The following ANO10 variants were observed in gnomAD, a reference collection of about 807,000 sequenced individuals.
ANO10 encodes the protein anoctamin-10.
ANO10 carries 77 observed loss-of-function variants against 74.7 expected under a neutral mutation model. The observed-to-expected ratio is 1.03, with a 90% confidence interval of 0.86 to 1.25. The LOEUF (loss-of-function observed/expected upper bound fraction) is 1.25, where lower values mean the gene tolerates loss of function less well. Among genes scored for constraint, ANO10 ranks in the 50% most tolerant of loss-of-function variants. The probability of loss-of-function intolerance (pLI) is 0.00; values close to 1 mark genes in which losing one functional copy is unlikely to be tolerated. For missense variants in ANO10, 721 were observed against 778.1 expected (o/e 0.93, Z 0.87); for synonymous variants, 279 against 284.9 (o/e 0.98, Z 0.21).
Position 43,659,656 on chromosome 3 carries a change from G to C in ANO10, c.-12+31861C>G, listed in dbSNP as rs188771476. ...CCACCTATGGGGGCAGGGCATATCT[G>C]AACAAAAGGCAGCAAACAGCTTCTC... On this transcript the variant is annotated intron_variant, in intron 1 of 3. Transcript: ENST00000413397. Among the ~76,000 whole-genome samples, 4 of 152,322 alleles carry C rather than the reference G, an allele frequency of 2.6e-5. No homozygotes were observed. In the East Asian group the frequency reaches 7.7e-4, roughly 29 times the overall value.
At chr3:43,486,940 T>C (rs1559602280) in intron 11 of ANO10, among the ~76,000 whole-genome samples, 1 of 129,200 alleles carries the variant, frequency 7.7e-6, no homozygotes, top group African/African-American at 3.1e-5. Context: ...GGCTGTGGGT[T>C]TGTCATAGAT....
rs926175791 is a variant in ANO10 at position 43,372,932 on chromosome 3, C to A, written c.1915-5958G>T. ...ACTTGTGAAGCCTCTTTTTTTCATG[C>A]GTATGAAAGAGAAAAGCCTCTTTTC... On this transcript the variant is annotated intron_variant, in intron 12 of 12. Transcript: ENST00000292246. The A allele has an allele frequency of 3.8e-6, 5 of 1,317,922 alleles. No homozygotes were observed. In the South Asian group the frequency reaches 6.6e-5, roughly 18 times the overall value. 81.6% of individuals were successfully genotyped at this position (1,317,922 alleles called of 1,614,324 possible).
At chr3:43,450,865 A>G (rs907996249) in intron 11 of ANO10, among the ~76,000 whole-genome samples, 1 of 152,228 alleles carries the variant, frequency 6.6e-6, no homozygotes, top group Non-Finnish European at 1.5e-5. Flanking sequence ...TTTTGGTCAT[A>G]AGTTCCTTAA....
intron 1 of ANO10, among the ~76,000 whole-genome samples, chr3:43,639,314 T>TCAGCC (rs2083647263): frequency 6.6e-6 from 1 of 152,170 alleles, no homozygotes; most frequent in Non-Finnish European, 1.5e-5. Context: ...AGCCCAGAGA[T>TCAGCC]CAGATGACTC....
At chr3:43,492,756 A>C (rs2076771420) in intron 11 of ANO10, among the ~76,000 whole-genome samples, 1 of 152,228 alleles carries the variant, frequency 6.6e-6, no homozygotes, top group Admixed American at 6.5e-5. Context: ...CATGCCAGTT[A>C]GAATGGTGGT....
chr3:43,437,617 G>A (rs188644154), intron 11 of ANO10, among the ~76,000 whole-genome samples: 10 of 152,212 alleles, frequency 6.6e-5, no homozygotes, highest in Admixed American at 5.9e-4. Context: ...CTTGCAGTAC[G>A]GCAGACAGAT....
intron 11 of ANO10, among the ~76,000 whole-genome samples, chr3:43,477,148 TAGAGA>T (rs1035487111): frequency 6.6e-6 from 1 of 152,204 alleles, no homozygotes; most frequent in African/African-American, 2.4e-5. Flanking sequence ...GGTTTACAAA[TAGAGA>T]AATCTTTCAT....
At chr3:43,592,517 C>G (rs540087676) in intron 4 of ANO10, among the ~76,000 whole-genome samples, 43 of 152,362 alleles carry the variant, frequency 2.8e-4, no homozygotes, top group African/African-American at 1.0e-3. Context: ...CAAACTCCAG[C>G]AGACCTGCAG....
At chr3:43,551,643 A>C in intron 10 of ANO10, 1 of 445,396 alleles carries the variant, frequency 2.2e-6, no homozygotes, top group South Asian at 1.6e-5. Context: ...ATATACATTT[A>C]AGATTGCTAT....
intron 1 of ANO10, among the ~76,000 whole-genome samples, chr3:43,682,411 T>G (rs566821866): frequency 4.0e-4 from 61 of 152,144 alleles, no homozygotes; most frequent in Non-Finnish European, 1.9e-4. Context: ...AGACCAATAA[T>G]AGGCTCTGAA....
intron 4 of ANO10, among the ~76,000 whole-genome samples, chr3:43,583,658 G>A (rs1466955052): frequency 2.6e-5 from 4 of 152,158 alleles, no homozygotes; most frequent in East Asian, 1.9e-4. Flanking sequence ...TGCTACCTCC[G>A]ATCCAGCAGG....
chr3:43,628,735 C>G (rs2083516433), intron 1 of ANO10, among the ~76,000 whole-genome samples: 1 of 152,142 alleles, frequency 6.6e-6, no homozygotes. Flanking sequence ...TGGCCGTCTT[C>G]TATGGTCAAG....
intron 11 of ANO10, among the ~76,000 whole-genome samples, chr3:43,476,903 G>C (rs1249282276): frequency 6.6e-6 from 1 of 152,152 alleles, no homozygotes; most frequent in Non-Finnish European, 1.5e-5. Flanking sequence ...CGATCAATAA[G>C]TAATTTCCCT....
At chr3:43,367,678 G>A (rs1414994310) in intron 12 of ANO10, among the ~76,000 whole-genome samples, 1 of 152,106 alleles carries the variant, frequency 6.6e-6, no homozygotes, top group Non-Finnish European at 1.5e-5. Flanking sequence ...AGGCAGCGGC[G>A]TAGGGGACAG....
intron 11 of ANO10, chr3:43,485,129 TG>T: frequency 1.2e-6 from 1 of 849,816 alleles, no homozygotes; most frequent in Non-Finnish European, 1.9e-6. Context: ...CTTCATCTGG[TG>T]GAGTGATCTG....
chr3:43,563,193 A>G lies in ANO10; in HGVS notation c.1294-1791T>C, dbSNP rs2080133257. Among the ~76,000 whole-genome samples the G allele has an allele frequency of 1.3e-5, 2 of 152,178 alleles. 1 individual carries two copies. Among genetic ancestry groups the G allele is most frequent in the South Asian group, 4.1e-4 (2 of 4,832 alleles). On this transcript the variant is annotated intron_variant, in intron 8 of 12. Transcript: ENST00000292246. ...ACATTTCTCTAAAGAAGACATTTAC[A>G]TAGCCACAGGTATATGAAAAAATAC...
intron 1 of ANO10, chr3:43,638,644 C>G (rs772612300): frequency 2.6e-5 from 4 of 152,142 alleles, no homozygotes; most frequent in Non-Finnish European, 5.9e-5. Flanking sequence ...GGGCCTGATT[C>G]CCAGCACTCA....
chr3:43,376,300 G>A (rs17643558), intron 12 of ANO10, among the ~76,000 whole-genome samples: 21,355 of 152,190 alleles, frequency 0.14, 1,722 homozygotes, highest in Middle Eastern at 0.22. Flanking sequence ...TTGAATGGAC[G>A]GTTTTTTGAA....
At chr3:43,667,835 G>A (rs766738455) in intron 1 of ANO10, among the ~76,000 whole-genome samples, 3 of 151,960 alleles carry the variant, frequency 2.0e-5, no homozygotes, top group African/African-American at 7.3e-5. Flanking sequence ...TTCTTTATCC[G>A]CTCATGGGTT....
Sources: gnomAD v4.1 joint callset for allele counts (sites outside exome capture counted in the v4.1 genomes callset) on GRCh38, gnomAD v4.1.1 for gene constraint, MANE v1.5 for transcripts, NCBI Gene and HGNC (gene_info 2026-07-23, HGNC 2026-07-21) for gene names.